Variants in DIAPH3 observed in about 807,000 individuals in gnomAD.
DIAPH3 encodes the protein diaphanous related formin 3.
A neutral mutation model predicts 144.3 loss-of-function variants in DIAPH3; 117 were observed. The ratio of observed to expected loss-of-function variants is 0.81; its 90% CI spans 0.70 to 0.95. The LOEUF (loss-of-function observed/expected upper bound fraction) is 0.95. Ranked by LOEUF, DIAPH3 falls within the 40% of genes least tolerant of loss-of-function variation. DIAPH3 has a pLI of 0.00. For synonymous variants in DIAPH3, 519 were observed against 488.9 expected (o/e 1.06, Z -0.81); for missense variants, 1,421 against 1,412.7 (o/e 1.01, Z -0.09).
chr13:59,763,507 T>C (rs1489475998), intron 27 of DIAPH3, among the ~76,000 whole-genome samples: 1 of 151,976 alleles, frequency 6.6e-6, no homozygotes, highest in Non-Finnish European at 1.5e-5. Context: ...TGAGACTCTG[T>C]CTTCACAAAA....
intron 25 of DIAPH3, among the ~76,000 whole-genome samples, chr13:59,775,281 C>T (rs995558861): frequency 3.9e-5 from 6 of 152,012 alleles, no homozygotes; most frequent in Non-Finnish European, 8.8e-5. Flanking sequence ...CTCGCTCTGT[C>T]GCCCAGGCTG....
intron 15 of DIAPH3, among the ~76,000 whole-genome samples, chr13:59,972,404 G>T (rs2670488): frequency 0.64 from 96,986 of 152,100 alleles, 31,821 homozygotes; most frequent in African/African-American, 0.73. Flanking sequence ...TGTAATATGA[G>T]TAGCTTCTTG....
At chr13:59,806,110 G>A (rs2040178655) in intron 25 of DIAPH3, among the ~76,000 whole-genome samples, 1 of 151,996 alleles carries the variant, frequency 6.6e-6, no homozygotes, top group African/African-American at 2.4e-5. Context: ...GCAGAGTTAT[G>A]TGAAGATTTC....
intron 3 of DIAPH3, among the ~76,000 whole-genome samples, 170 bp from the exon 4 acceptor site, chr13:60,093,902 G>A (rs2058030077): frequency 1.3e-5 from 2 of 152,064 alleles, no homozygotes; most frequent in African/African-American, 4.8e-5. Context: ...AGGTGGAGAG[G>A]GAGAGAAGAA....
At chr13:59,904,154 G>C (rs1367959083) in intron 20 of DIAPH3, among the ~76,000 whole-genome samples, 1 of 152,164 alleles carries the variant, frequency 6.6e-6, no homozygotes, top group Non-Finnish European at 1.5e-5. Flanking sequence ...GATGCTTTCA[G>C]AGCTCAACAA....
At chr13:59,756,267 G>A (rs372129455) in intron 27 of DIAPH3, among the ~76,000 whole-genome samples, 85 of 152,146 alleles carry the variant, frequency 5.6e-4, no homozygotes, top group African/African-American at 2.0e-3. Context: ...ATTATTATGT[G>A]TCTCCTTTTG....
intron 5 of DIAPH3, among the ~76,000 whole-genome samples, chr13:60,027,657 T>C (rs2054473665): frequency 6.6e-6 from 1 of 152,114 alleles, no homozygotes; most frequent in South Asian, 2.1e-4. Context: ...GTATGTGCTC[T>C]AATCAAAACT....
chr13:60,061,712 T>C (rs73218508), intron 4 of DIAPH3, among the ~76,000 whole-genome samples: 5,662 of 152,080 alleles, frequency 0.037, 168 homozygotes, highest in East Asian at 0.1. Flanking sequence ...TTCCTCTTAA[T>C]AGACGCTAAG....
chr13:59,970,478 T>C (rs1307830434), intron 16 of DIAPH3, among the ~76,000 whole-genome samples: 1 of 152,150 alleles, frequency 6.6e-6, no homozygotes, highest in Non-Finnish European at 1.5e-5. Context: ...GTTAACACTT[T>C]CCCAACATCT....
intron 4 of DIAPH3, among the ~76,000 whole-genome samples, chr13:60,062,531 C>G (rs368735196): frequency 6.6e-6 from 1 of 152,218 alleles, no homozygotes; most frequent in East Asian, 1.9e-4. Flanking sequence ...CTACCAAGCA[C>G]AACCCCTCAT....
intron 27 of DIAPH3, among the ~76,000 whole-genome samples, chr13:59,709,988 C>T (rs1184627464): frequency 6.6e-6 from 1 of 151,708 alleles, no homozygotes; most frequent in Admixed American, 6.6e-5. Context: ...AGTAAACTAT[C>T]GCAAGAACAA....
chr13:59,777,870 A>G (rs1398965547), intron 25 of DIAPH3, among the ~76,000 whole-genome samples: 2 of 152,192 alleles, frequency 1.3e-5, no homozygotes, highest in African/African-American at 4.8e-5. Flanking sequence ...AGGAACGACA[A>G]TGAAGTATAG....
intron 27 of DIAPH3, among the ~76,000 whole-genome samples, chr13:59,670,707 C>G (rs867536558): frequency 6.6e-6 from 1 of 151,888 alleles, no homozygotes; most frequent in Non-Finnish European, 1.5e-5. Context: ...CTCAGCCTCC[C>G]GAGTAGCTGG....
chr13:59,902,965 C>T (rs1319049539), intron 20 of DIAPH3, among the ~76,000 whole-genome samples: 1 of 152,046 alleles, frequency 6.6e-6, no homozygotes, highest in African/African-American at 2.4e-5. Flanking sequence ...ATCTAAAGCA[C>T]CATAGAACTT....
At chr13:59,759,540 C>T (rs1009649061) in intron 27 of DIAPH3, among the ~76,000 whole-genome samples, 5 of 152,122 alleles carry the variant, frequency 3.3e-5, no homozygotes, top group African/African-American at 1.2e-4. Flanking sequence ...CAGATCAAGA[C>T]TGCTTATATT....
intron 4 of DIAPH3, among the ~76,000 whole-genome samples, chr13:60,074,766 T>C (rs986331008): frequency 1.3e-5 from 2 of 152,180 alleles, no homozygotes; most frequent in African/African-American, 2.4e-5. Context: ...ATACTATACA[T>C]ATGCTTTTTT....
intron 2 of DIAPH3, among the ~76,000 whole-genome samples, chr13:60,130,237 T>C (rs7997581): frequency 0.23 from 34,433 of 152,208 alleles, 4,077 homozygotes; most frequent in South Asian, 0.27. Context: ...CTGTTGAAGA[T>C]AGCCATGCTT....
intron 4 of DIAPH3, among the ~76,000 whole-genome samples, chr13:60,050,973 T>A (rs912487186): frequency 6.6e-6 from 1 of 152,132 alleles, no homozygotes; most frequent in Non-Finnish European, 1.5e-5. Context: ...GTAGTTTAGA[T>A]ATAAGAATGA....
At chr13:59,673,900 G>A (rs1180511695) in intron 27 of DIAPH3, among the ~76,000 whole-genome samples, 1 of 152,152 alleles carries the variant, frequency 6.6e-6, no homozygotes, top group African/African-American at 2.4e-5. Context: ...GGCTGTTTCT[G>A]ATTTGTATTC....
Sources: allele counts gnomAD v4.1 joint callset (sites outside exome capture counted in the v4.1 genomes callset), GRCh38; gene constraint gnomAD v4.1.1; transcripts MANE v1.5; gene names NCBI Gene and HGNC (gene_info 2026-07-23, HGNC 2026-07-21).